Variants in MEGF11 observed in about 807,000 individuals in gnomAD.
MEGF11 encodes multiple epidermal growth factor-like domains protein 11.
A neutral mutation model predicts 146.6 loss-of-function variants in MEGF11; 126 were observed. The observed-to-expected ratio is 0.86, with a 90% confidence interval of 0.74 to 1.00. MEGF11 has a LOEUF of 1.00. Among genes scored for constraint, MEGF11 ranks in the 50% least tolerant of loss-of-function variants. The probability of loss-of-function intolerance (pLI) is 0.00; values close to 1 mark genes in which losing one functional copy is unlikely to be tolerated. For synonymous variants in MEGF11, 532 were observed against 583.4 expected (o/e 0.91, Z 1.27); for missense variants, 1,509 against 1,521.2 (o/e 0.99, Z 0.13).
Position 66,125,281 on chromosome 15 carries a change from A to C in MEGF11, c.99-1281T>G, listed in dbSNP as rs143796588. On this transcript the variant is annotated intron_variant, in intron 2 of 25. Transcript: ENST00000395614. ...CTCAGAGGCACACATCTAGGAAAAA[A>C]ACAGCCCAAACCCTGTTTTAGCTCC... is the stretch of plus-strand genomic sequence containing the variant. 6.1e-4 allele frequency among the ~76,000 whole-genome samples: 93 copies of C among 152,312 alleles called. No homozygotes were observed. In the East Asian group the frequency reaches 0.014, roughly 23 times the overall value.
Position 66,157,282 on chromosome 15 carries a change from T to C in MEGF11, c.-8-28871A>G, listed in dbSNP as rs532631418. On this transcript the variant is annotated intron_variant, in intron 1 of 25. Coordinates refer to ENST00000395614, the MANE Select transcript of MEGF11 (RefSeq NM_001385028.1). ...CAAGGGAGCCATTCCACCCATGCTC[T>C]GCTTTCCTGATCACAGCTAGCAGGG... Among the ~76,000 whole-genome samples, 5 of 152,344 alleles carry C rather than the reference T, an allele frequency of 3.3e-5. No individual in the cohort carries two copies. The East Asian group carries it at 9.6e-4, about 29-fold the overall frequency.
chr15:66,139,154 TG>T (rs544074953), intron 1 of MEGF11, among the ~76,000 whole-genome samples: 125 of 152,370 alleles, frequency 8.2e-4, no homozygotes, highest in Non-Finnish European at 1.2e-3. Flanking sequence ...CACAGCCACA[TG>T]CATTTGCAAT....
At chr15:66,219,811 T>C (rs1369572435) in intron 1 of MEGF11, among the ~76,000 whole-genome samples, 1 of 152,202 alleles carries the variant, frequency 6.6e-6, no homozygotes, top group Admixed American at 6.5e-5. Flanking sequence ...AGAAAGTTTA[T>C]AGCAGCCTTA....
chr15:66,151,589 C>T (rs890182453), intron 1 of MEGF11, among the ~76,000 whole-genome samples: 6 of 152,334 alleles, frequency 3.9e-5, no homozygotes, highest in Middle Eastern at 3.4e-3. Context: ...TAGGAGAAAT[C>T]CCAGTCTCCT....
intron 5 of MEGF11, among the ~76,000 whole-genome samples, chr15:66,010,443 T>C (rs1033415273): frequency 6.6e-6 from 1 of 152,166 alleles, no homozygotes; most frequent in African/African-American, 2.4e-5. Context: ...TCTACCTGCC[T>C]TGGCCTGCCA....
intron 14 of MEGF11, 98 bp downstream of exon 14, chr15:65,922,725 A>T (rs62014443): frequency 9.8e-5 from 141 of 1,442,550 alleles, no homozygotes; most frequent in Non-Finnish European, 1.3e-4. Context: ...GGGCTGATTC[A>T]AGAGCCCAGC....
At chr15:65,904,363 A>G (rs2078568413) in intron 24 of MEGF11, among the ~76,000 whole-genome samples, 1 of 152,218 alleles carries the variant, frequency 6.6e-6, no homozygotes, top group Non-Finnish European at 1.5e-5. Context: ...GTTTAAGTCA[A>G]AACACACAGA....
intron 1 of MEGF11, among the ~76,000 whole-genome samples, chr15:66,180,750 T>A (rs1399988137): frequency 6.6e-6 from 1 of 152,188 alleles, no homozygotes; most frequent in Admixed American, 6.5e-5. Flanking sequence ...ATTTGGAAAA[T>A]TAAATTCTGG....
chr15:66,212,352 G>T (rs76654718), intron 1 of MEGF11, among the ~76,000 whole-genome samples: 15,142 of 152,168 alleles, frequency 0.1, 811 homozygotes, highest in African/African-American at 0.14. Context: ...TCATCTCTCC[G>T]CCCTCTGGAT....
At chr15:66,080,007 G>A (rs1332188955) in intron 5 of MEGF11, among the ~76,000 whole-genome samples, 2 of 152,242 alleles carry the variant, frequency 1.3e-5, no homozygotes, top group Non-Finnish European at 2.9e-5. Context: ...TCATATCTCC[G>A]CTGGCTTCCA....
rs773896826 is a variant in MEGF11 at position 66,134,084 on chromosome 15, A to G, written c.-8-5673T>C. Among the ~76,000 whole-genome samples the G allele has an allele frequency of 7.2e-5, 11 of 152,296 alleles. No homozygotes were observed. In the East Asian group the frequency reaches 2.1e-3, roughly 29 times the overall value. On this transcript the variant is annotated intron_variant, in intron 1 of 25. Coordinates refer to ENST00000395614, the MANE Select transcript of MEGF11 (RefSeq NM_001385028.1). ...GTTGCAGCCACCATTAATCAGGGTC[A>G]AGAGACTGTCCTGTCCCCTGCACTC...
intron 11 of MEGF11, 34 bp from the exon 12 acceptor site, chr15:65,929,917 T>C: frequency 1.3e-6 from 2 of 1,572,574 alleles, no homozygotes; most frequent in Non-Finnish European, 8.6e-7. Context: ...CACTTCTCCA[T>C]CCAGGCCCAG....
intron 5 of MEGF11, among the ~76,000 whole-genome samples, chr15:66,056,844 C>T (rs1759078419): frequency 6.6e-6 from 1 of 152,194 alleles, no homozygotes; most frequent in African/African-American, 2.4e-5. Context: ...CCCCCTTCAC[C>T]CTGTCATTCT....
chr15:65,928,474 A>G lies in MEGF11; in HGVS notation c.1626T>C (p.Asp542=), dbSNP rs769716725. ...AGTGGCCTGTGACGGGGTCACATCC[A>G]TCAGCATGGCTGCAGTCACAGTGTT... ...CSEHCDCSHA[D]GCDPVTGHCC... is the part of the protein sequence containing the mutation. The change falls in exon 13 of 26, where the codon GAT becomes GAC. Residue 542 remains aspartate (D), a synonymous_variant. Transcript: ENST00000395614. 6.2e-7 allele frequency: 1 copy of G among 1,605,970 alleles called. No homozygotes were observed.
intron 4 of MEGF11, among the ~76,000 whole-genome samples, chr15:66,107,061 C>G (rs958580932): frequency 4.5e-5 from 4 of 88,474 alleles, no homozygotes; most frequent in South Asian, 6.0e-4. Flanking sequence ...CCTACCCCCC[C>G]ACCAGGTATA....
At chr15:65,959,129 A>T (rs1458216468) in intron 9 of MEGF11, among the ~76,000 whole-genome samples, 2 of 152,174 alleles carry the variant, frequency 1.3e-5, no homozygotes, top group Non-Finnish European at 2.9e-5. Context: ...TTGATTCTTT[A>T]TTCTTTTCTA....
intron 5 of MEGF11, among the ~76,000 whole-genome samples, chr15:65,999,594 A>G (rs746475833): frequency 6.6e-6 from 1 of 152,140 alleles, no homozygotes; most frequent in African/African-American, 2.4e-5. Context: ...ATATGACCTG[A>G]GGAAGCATTC....
chr15:65,959,097 C>T (rs1466722333), intron 9 of MEGF11, among the ~76,000 whole-genome samples: 1 of 152,194 alleles, frequency 6.6e-6, no homozygotes, highest in Admixed American at 6.5e-5. Context: ...ATACAGCTTC[C>T]TCTAAATATA....
chr15:66,028,117 C>G (rs1202973049), intron 5 of MEGF11, among the ~76,000 whole-genome samples: 1 of 144,530 alleles, frequency 6.9e-6, no homozygotes. Context: ...GTCTCTGTAC[C>G]CAGTCTTACT....
Sources: gnomAD v4.1 joint callset for allele counts (sites outside exome capture counted in the v4.1 genomes callset) on GRCh38, gnomAD v4.1.1 for gene constraint, MANE v1.5 for transcripts, NCBI Gene and HGNC (gene_info 2026-07-23, HGNC 2026-07-21) for gene names.